The following PARD3 variants were observed in gnomAD, a reference collection of about 807,000 sequenced individuals.
The protein encoded by PARD3 is partitioning defective 3 homolog.
In PARD3, 75 loss-of-function variants were observed where a neutral mutation model predicts 155.4. The observed-to-expected ratio is 0.48, with a 90% CI of 0.40 to 0.58. PARD3 has a LOEUF of 0.58. Ranked by LOEUF, PARD3 falls within the 20% of genes least tolerant of loss-of-function variation. The pLI is 0.00. For missense variants in PARD3, 1,642 were observed against 1,721.7 expected (o/e 0.95, Z 0.82); for synonymous variants, 576 against 610.5 (o/e 0.94, Z 0.83).
chr10:34,379,032 G>A (rs1589369195), intron 9 of PARD3, among the ~76,000 whole-genome samples: 2 of 152,074 alleles, frequency 1.3e-5, no homozygotes, highest in East Asian at 3.9e-4. Flanking sequence ...TTACAATAAT[G>A]ATTTCTACCT....
Position 34,382,656 on chromosome 10 carries a change from G to A in PARD3, c.1283C>T (p.Ser428Leu), listed in dbSNP as rs141769427. 146 of 1,614,132 alleles carry A rather than the reference G, an allele frequency of 9.0e-5. No individual in the cohort carries two copies. The highest frequency in any genetic ancestry group is 1.7e-4 in the Admixed American group (10 of 60,008). ...HSRLPHSAHP[S>L]GKPPSAPASA... The stretch of plus-strand genomic sequence containing the variant: ...GGCTGGAGCGGATGGTGGTTTTCCC[G>A]AGGGGTGTGCGCTATGAGGTAGTCT... Residue 428 changes from serine (S) to leucine (L), a missense_variant, in exon 9 of 25, where the codon TCG becomes TTG. By Grantham distance (145) the Ser-to-Leu change is moderately radical. Coordinates refer to ENST00000374788, the MANE Select transcript of PARD3 (RefSeq NM_001184785.2).
At chr10:34,551,748 C>A (rs900776533) in intron 2 of PARD3, among the ~76,000 whole-genome samples, 3 of 152,152 alleles carry the variant, frequency 2.0e-5, no homozygotes, top group Admixed American at 6.5e-5. Flanking sequence ...TGGGGGTGGC[C>A]ATGGGGAAGG....
intron 1 of PARD3, among the ~76,000 whole-genome samples, chr10:34,712,266 T>A (rs2094459515): frequency 6.6e-6 from 1 of 152,176 alleles, no homozygotes; most frequent in African/African-American, 2.4e-5. Context: ...GAATATGGAA[T>A]AATCCAAGCC....
chr10:34,476,055 G>A (rs2078685114), intron 3 of PARD3, among the ~76,000 whole-genome samples: 1 of 152,042 alleles, frequency 6.6e-6, no homozygotes, highest in African/African-American at 2.4e-5. Flanking sequence ...GAAGGAGGCT[G>A]AAGCAGAAGG....
intron 2 of PARD3, among the ~76,000 whole-genome samples, chr10:34,584,138 A>G (rs1428113129): frequency 3.9e-5 from 6 of 152,152 alleles, no homozygotes; most frequent in Admixed American, 3.9e-4. Flanking sequence ...CCTAGCCTAA[A>G]CTAGACATGA....
At chr10:34,663,008 A>T (rs1329901228) in intron 2 of PARD3, among the ~76,000 whole-genome samples, 1 of 152,144 alleles carries the variant, frequency 6.6e-6, no homozygotes, top group Non-Finnish European at 1.5e-5. Context: ...GGAAATAGAG[A>T]GTAGATGATG....
intron 2 of PARD3, among the ~76,000 whole-genome samples, chr10:34,552,947 T>C: frequency 6.6e-6 from 1 of 152,210 alleles, no homozygotes; most frequent in African/African-American, 2.4e-5. Context: ...CAACTGAAAC[T>C]ACGTCAATGC....
At chr10:34,810,957 G>A (rs571754508) in intron 1 of PARD3, among the ~76,000 whole-genome samples, 2 of 152,184 alleles carry the variant, frequency 1.3e-5, no homozygotes, top group South Asian at 4.2e-4. Context: ...AAGGTTAAAT[G>A]GCTTGTAAAC....
In PARD3 at chr10:34,450,308, T is replaced by C; in HGVS notation, c.714+9A>G. 1 of 1,611,466 alleles carries C rather than the reference T, an allele frequency of 6.2e-7. No individual in the cohort carries two copies. The highest frequency in any genetic ancestry group is 8.5e-7 in the Non-Finnish European group (1 of 1,179,124). On this transcript the variant is annotated intron_variant, in intron 5 of 24. Transcript: ENST00000374788. ...GCAATGACGCACATATAAGGATTTG[T>C]CATGTTACCTGTTCTTGTTTCTCCA...
chr10:34,321,166 G>C (rs894519619), intron 19 of PARD3, among the ~76,000 whole-genome samples: 8 of 152,158 alleles, frequency 5.3e-5, no homozygotes, highest in African/African-American at 1.9e-4. Context: ...AAATAAATCT[G>C]TACATTTAAT....
At chr10:34,526,866 G>A (rs1190836713) in intron 2 of PARD3, among the ~76,000 whole-genome samples, 3 of 152,192 alleles carry the variant, frequency 2.0e-5, no homozygotes, top group Non-Finnish European at 4.4e-5. Flanking sequence ...CTACCATCAA[G>A]TAATACCATC....
At chr10:34,560,462 A>AC (rs11452637) in intron 2 of PARD3, among the ~76,000 whole-genome samples, 6,440 of 152,302 alleles carry the variant, frequency 0.042, 395 homozygotes, top group African/African-American at 0.14. Context: ...CTTGATGAAA[A>AC]GAGGACACAA....
intron 20 of PARD3, among the ~76,000 whole-genome samples, chr10:34,300,662 C>T (rs1303685339): frequency 1.3e-5 from 2 of 151,492 alleles, no homozygotes; most frequent in Admixed American, 6.6e-5. Flanking sequence ...GGGCTGGGGG[C>T]AATTTTAAAG....
At chr10:34,465,022 T>A (rs1564743723) in intron 4 of PARD3, among the ~76,000 whole-genome samples, 2 of 152,170 alleles carry the variant, frequency 1.3e-5, no homozygotes, top group African/African-American at 4.8e-5. Context: ...ATGCACATCC[T>A]CCCATATAGT....
intron 7 of PARD3, among the ~76,000 whole-genome samples, chr10:34,387,124 CCA>C (rs1842431256): frequency 6.6e-6 from 1 of 152,160 alleles, no homozygotes; most frequent in Non-Finnish European, 1.5e-5. Context: ...AAGACTCACT[CCA>C]GTTAATGAGT....
At position 34,448,111 on chromosome 10, in the gene PARD3, T is replaced by G. The variant is rs140022752; in HGVS notation, c.714+2206A>C. ...AAGTGACCTGCAACCGATGAATGGA[T>G]AAAGAAAATGTGATATACACTGCGT... On this transcript the variant is annotated intron_variant, in intron 5 of 24. Coordinates refer to ENST00000374788, the MANE Select transcript of PARD3 (RefSeq NM_001184785.2). 2.4e-4 allele frequency among the ~76,000 whole-genome samples: 36 copies of G among 150,606 alleles called. No individual in the cohort carries two copies. The East Asian group carries it at 6.5e-3, about 27-fold the overall frequency.
intron 22 of PARD3, among the ~76,000 whole-genome samples, chr10:34,149,408 C>T (rs982078878): frequency 9.2e-5 from 14 of 152,168 alleles, no homozygotes; most frequent in African/African-American, 3.4e-4. Flanking sequence ...ATTCTATTAA[C>T]TTAAATCCCA....
intron 19 of PARD3, among the ~76,000 whole-genome samples, chr10:34,326,894 A>T (rs1835086512): frequency 6.6e-6 from 1 of 152,222 alleles, no homozygotes; most frequent in Non-Finnish European, 1.5e-5. Flanking sequence ...AGTTTGTCAC[A>T]TTTAAAATTC....
chr10:34,313,624 A>AT (rs1316993659), intron 20 of PARD3, among the ~76,000 whole-genome samples: 1 of 152,192 alleles, frequency 6.6e-6, no homozygotes, highest in Non-Finnish European at 1.5e-5. Context: ...ATGACTAAAA[A>AT]TATCTACTCA....
Sources: gnomAD v4.1 joint callset for allele counts (sites outside exome capture counted in the v4.1 genomes callset) on GRCh38, gnomAD v4.1.1 for gene constraint, MANE v1.5 for transcripts, NCBI Gene and HGNC (gene_info 2026-07-23, HGNC 2026-07-21) for gene names.